The following INPP4B variants were observed in gnomAD, a reference collection of about 807,000 sequenced individuals.
INPP4B encodes the protein inositol polyphosphate 4-phosphatase type II.
A neutral mutation model predicts 122.5 loss-of-function variants in INPP4B; 55 were observed. That is an observed-to-expected ratio of 0.45 (90% CI 0.36 to 0.56). INPP4B has a LOEUF of 0.56. Among genes scored for constraint, INPP4B ranks in the 20% least tolerant of loss-of-function variants. The probability of loss-of-function intolerance (pLI) is 0.00; values close to 1 mark genes in which losing one functional copy is unlikely to be tolerated. For synonymous variants in INPP4B, 403 were observed against 388.7 expected, an observed-to-expected ratio of 1.04 and a Z score of -0.43; for missense variants, 1,000 against 1,097.7, an observed-to-expected ratio of 0.91 and a Z score of 1.26.
rs148455756 is a variant in INPP4B at position 142,616,462 on chromosome 4, C to T, written c.-191+109377G>A. Among the ~76,000 whole-genome samples the T allele has an allele frequency of 1.3e-3, 204 of 152,188 alleles. 1 individual carries two copies. Among genetic ancestry groups the T allele is most frequent in the African/African-American group, 3.9e-3 (161 of 41,532 alleles). On this transcript the variant is annotated intron_variant, in intron 2 of 25. Transcript: ENST00000262992. ...TTCTGAGACCTCTCAATTTTTAAGG[C>T]GCTTAGCATGTTCTGAGACCTCTCA...
intron 18 of INPP4B, among the ~76,000 whole-genome samples, chr4:142,131,319 A>G (rs1317086512): frequency 6.6e-6 from 1 of 152,224 alleles, no homozygotes. Flanking sequence ...GGTAGTGGAT[A>G]CTGAGTTGAC....
At chr4:142,297,571 T>C (rs1226903326) in intron 9 of INPP4B, among the ~76,000 whole-genome samples, 1 of 152,202 alleles carries the variant, frequency 6.6e-6, no homozygotes, top group East Asian at 1.9e-4. Flanking sequence ...GTGAGACCAC[T>C]GTTCCTACTT....
intron 7 of INPP4B, among the ~76,000 whole-genome samples, chr4:142,336,471 A>G (rs1776626791): frequency 6.6e-6 from 1 of 152,140 alleles, no homozygotes; most frequent in Admixed American, 6.5e-5. Context: ...GGGACCAAAC[A>G]CGTTTCTGTT....
chr4:142,674,410 A>G (rs1053028492), intron 2 of INPP4B, among the ~76,000 whole-genome samples: 2 of 152,034 alleles, frequency 1.3e-5, no homozygotes, highest in Non-Finnish European at 2.9e-5. Flanking sequence ...TAAGATGTTA[A>G]CTCCTGTTAA....
chr4:142,806,863 GAAAC>G (rs1778932269), intron 1 of INPP4B, among the ~76,000 whole-genome samples: 1 of 150,974 alleles, frequency 6.6e-6, no homozygotes, highest in Non-Finnish European at 1.5e-5. Flanking sequence ...AGAAGAAAAA[GAAAC>G]AAGCTAAAGA....
intron 7 of INPP4B, among the ~76,000 whole-genome samples, chr4:142,389,185 G>T (rs962444922): frequency 4.6e-5 from 7 of 150,860 alleles, no homozygotes; most frequent in Admixed American, 4.6e-4. Context: ...GGGAGGTGGA[G>T]ATTGCAGTAA....
At chr4:142,624,720 A>G (rs887202374) in intron 2 of INPP4B, among the ~76,000 whole-genome samples, 1 of 152,084 alleles carries the variant, frequency 6.6e-6, no homozygotes, top group African/African-American at 2.4e-5. Flanking sequence ...AACATTCGTG[A>G]AAAAATCCTC....
intron 2 of INPP4B, among the ~76,000 whole-genome samples, chr4:142,492,898 C>T (rs1822060607): frequency 6.6e-6 from 1 of 152,162 alleles, no homozygotes; most frequent in Admixed American, 6.5e-5. Flanking sequence ...CAGAGACCTT[C>T]ACAGCAGCCT....
chr4:142,798,258 A>G (rs1184084799), intron 1 of INPP4B, among the ~76,000 whole-genome samples: 1 of 151,938 alleles, frequency 6.6e-6, no homozygotes, highest in African/African-American at 2.4e-5. Flanking sequence ...ATTTTGAGCA[A>G]TTAGCGGAGT....
intron 2 of INPP4B, among the ~76,000 whole-genome samples, chr4:142,620,135 C>A (rs1744572806): frequency 6.6e-6 from 1 of 151,864 alleles, no homozygotes; most frequent in Admixed American, 6.6e-5. Context: ...CCATTCGGCC[C>A]AACAATTCCA....
intron 9 of INPP4B, among the ~76,000 whole-genome samples, chr4:142,283,277 T>C (rs374009415): frequency 2.0e-5 from 3 of 152,006 alleles, no homozygotes; most frequent in East Asian, 3.9e-4. Context: ...AAACAGAATT[T>C]GGGGACATGG....
intron 17 of INPP4B, among the ~76,000 whole-genome samples, chr4:142,155,235 A>G (rs1242209530): frequency 6.6e-6 from 1 of 152,080 alleles, no homozygotes; most frequent in Non-Finnish European, 1.5e-5. Context: ...CTTCTTATTA[A>G]GATCAGGACA....
intron 9 of INPP4B, among the ~76,000 whole-genome samples, chr4:142,300,042 A>G (rs1261075751): frequency 6.6e-6 from 1 of 152,232 alleles, no homozygotes; most frequent in East Asian, 1.9e-4. Context: ...GTGTAGGAAT[A>G]GAAAATCAAA....
chr4:142,600,244 C>A (rs1739621955), intron 2 of INPP4B, among the ~76,000 whole-genome samples: 1 of 152,122 alleles, frequency 6.6e-6, no homozygotes, highest in Admixed American at 6.5e-5. Context: ...CAATGATAGG[C>A]ACTTTTTCTT....
intron 25 of INPP4B, among the ~76,000 whole-genome samples, chr4:142,047,761 G>A (rs1025280463): frequency 6.6e-6 from 1 of 152,032 alleles, no homozygotes; most frequent in African/African-American, 2.4e-5. Context: ...TTGCAAGGGA[G>A]CAGAGACAAA....
At chr4:142,780,916 G>T (rs116501989) in intron 1 of INPP4B, among the ~76,000 whole-genome samples, 1 of 152,054 alleles carries the variant, frequency 6.6e-6, no homozygotes, top group Non-Finnish European at 1.5e-5. Context: ...CTTCTTTTTC[G>T]GTTGTGAATA....
At chr4:142,620,577 A>G (rs1744688872) in intron 2 of INPP4B, among the ~76,000 whole-genome samples, 1 of 152,008 alleles carries the variant, frequency 6.6e-6, no homozygotes, top group East Asian at 1.9e-4. Context: ...CTGGATGATG[A>G]AATAGTATGT....
intron 2 of INPP4B, among the ~76,000 whole-genome samples, chr4:142,646,341 AAAG>A (rs1751772311): frequency 6.6e-6 from 1 of 152,210 alleles, no homozygotes. Flanking sequence ...TATCAGCTAC[AAAG>A]AAGATCCTAT....
chr4:142,199,247 G>T (rs73850817), intron 14 of INPP4B, among the ~76,000 whole-genome samples: 3 of 151,760 alleles, frequency 2.0e-5, no homozygotes, highest in African/African-American at 4.8e-5. Flanking sequence ...GGTTTGTCTT[G>T]TTTGTCATTA....
Sources: gnomAD v4.1 joint callset for allele counts (sites outside exome capture counted in the v4.1 genomes callset) on GRCh38, gnomAD v4.1.1 for gene constraint, MANE v1.5 for transcripts, NCBI Gene and HGNC (gene_info 2026-07-23, HGNC 2026-07-21) for gene names.